Variants in LRP1B observed in about 807,000 individuals in gnomAD.
LRP1B encodes LDL receptor related protein 1B.
Under a neutral mutation model 556.6 loss-of-function variants are expected in LRP1B, and 217 were observed. That is an observed-to-expected ratio of 0.39 (90% CI 0.35 to 0.44). LRP1B has a LOEUF of 0.44. Among genes scored for constraint, LRP1B ranks in the 20% least tolerant of loss-of-function variants. LRP1B has a pLI of 1.00. For synonymous variants in LRP1B, 2,047 were observed against 1,865.8 expected, an observed-to-expected ratio of 1.10 and a Z score of -2.50; for missense variants, 5,053 against 5,620.8, an observed-to-expected ratio of 0.90 and a Z score of 3.23.
At chr2:140,322,169 A>ATGATTAATTAGCAATGTTGAAAAG (rs1344363091) in intron 81 of LRP1B, 81 bp from the exon 82 acceptor site, 4 of 1,306,998 alleles carry the variant, frequency 3.1e-6, no homozygotes, top group South Asian at 1.3e-5. Flanking sequence ...ATAAGGCGAA[A>ATGATTAATTAGCAATGTTGAAAAG]TGATTAATTA....
chr2:141,073,382 G>T (rs1699698041), intron 7 of LRP1B, among the ~76,000 whole-genome samples: 1 of 151,724 alleles, frequency 6.6e-6, no homozygotes, highest in Non-Finnish European at 1.5e-5. Flanking sequence ...CACTCTCTTG[G>T]TTTTCTTCCT....
intron 86 of LRP1B, among the ~76,000 whole-genome samples, chr2:140,255,533 A>G (rs1261732726): frequency 2.0e-5 from 3 of 152,280 alleles, no homozygotes; most frequent in Non-Finnish European, 2.9e-5. Context: ...ATGCTAGACT[A>G]TGATTTAACT....
At position 140,622,720 on chromosome 2, in the gene LRP1B, G is replaced by A. The variant is rs752676747; in HGVS notation, c.6800-21081C>T. ...AAAGAATCTAAAGAGACAATAACGA[G>A]GGGTAATACAAAAAAGAATGAATGG... On this transcript the variant is annotated intron_variant, in intron 41 of 90. Coordinates refer to ENST00000389484, the MANE Select transcript of LRP1B (RefSeq NM_018557.3). 1.2e-4 allele frequency among the ~76,000 whole-genome samples: 19 copies of A among 152,088 alleles called. 1 individual carries two copies. Among genetic ancestry groups the A allele is most frequent in the Non-Finnish European group, 2.4e-4 (16 of 68,026 alleles).
chr2:140,969,945 C>T (rs567136079), intron 18 of LRP1B, among the ~76,000 whole-genome samples: 18 of 152,072 alleles, frequency 1.2e-4, no homozygotes, highest in Non-Finnish European at 1.6e-4. Context: ...TCTCTCTGGC[C>T]GCCCTTAACA....
intron 31 of LRP1B, among the ~76,000 whole-genome samples, chr2:140,836,247 G>C (rs970749162): frequency 1.7e-4 from 26 of 152,028 alleles, no homozygotes; most frequent in African/African-American, 6.0e-4. Context: ...AACCACAAAA[G>C]TTATATACTA....
intron 71 of LRP1B, among the ~76,000 whole-genome samples, chr2:140,367,634 A>ATAGCATATG (rs1682821240): frequency 1.3e-5 from 2 of 151,982 alleles, no homozygotes; most frequent in African/African-American, 4.8e-5. Flanking sequence ...AATAAAAAAG[A>ATAGCATATG]TAGCATATGC....
chr2:141,755,418 T>G (rs911174285), intron 2 of LRP1B, among the ~76,000 whole-genome samples: 5 of 152,002 alleles, frequency 3.3e-5, no homozygotes, highest in Admixed American at 6.6e-5. Flanking sequence ...AAAATTAGCT[T>G]AAACTAATAA....
At chr2:140,997,865 A>C (rs975355913) in intron 15 of LRP1B, among the ~76,000 whole-genome samples, 3 of 151,752 alleles carry the variant, frequency 2.0e-5, no homozygotes, top group African/African-American at 7.3e-5. Context: ...ATAGGTTTTG[A>C]TTTTTCTCCT....
chr2:140,589,938 A>G (rs1003815051), intron 43 of LRP1B, among the ~76,000 whole-genome samples: 10 of 152,178 alleles, frequency 6.6e-5, no homozygotes, highest in Admixed American at 3.3e-4. Context: ...TCTTGACCAC[A>G]TAAGTGTCTA....
chr2:140,265,756 A>G (rs1275937530), intron 86 of LRP1B, among the ~76,000 whole-genome samples: 4 of 152,070 alleles, frequency 2.6e-5, no homozygotes, highest in African/African-American at 2.4e-5. Context: ...ACCACTGCCA[A>G]TTGAGATCCG....
intron 25 of LRP1B, among the ~76,000 whole-genome samples, chr2:140,879,914 A>T (rs1455653866): frequency 6.6e-6 from 1 of 151,666 alleles, no homozygotes; most frequent in Non-Finnish European, 1.5e-5. Flanking sequence ...CACCTATCAG[A>T]TCAAGCAGCA....
At chr2:142,085,915 A>G (rs1051538496) in intron 1 of LRP1B, among the ~76,000 whole-genome samples, 5 of 152,188 alleles carry the variant, frequency 3.3e-5, no homozygotes. Flanking sequence ...CTGGGCATAT[A>G]TATCTAAAGC....
At chr2:141,242,430 T>C (rs1683911876) in intron 5 of LRP1B, among the ~76,000 whole-genome samples, 1 of 152,166 alleles carries the variant, frequency 6.6e-6, no homozygotes, top group Non-Finnish European at 1.5e-5. Flanking sequence ...CAGCAAATGA[T>C]ATGAAAACGT....
intron 41 of LRP1B, among the ~76,000 whole-genome samples, chr2:140,641,973 T>C (rs1333940793): frequency 6.6e-6 from 1 of 152,120 alleles, no homozygotes; most frequent in Non-Finnish European, 1.5e-5. Context: ...AACAATAGAA[T>C]TGGAAGAAAA....
intron 6 of LRP1B, among the ~76,000 whole-genome samples, chr2:141,221,288 T>TAAAAAAAAAAAAAAAAAAAAAAAA (rs3063857): frequency 7.6e-6 from 1 of 131,180 alleles, no homozygotes; most frequent in African/African-American, 2.9e-5. Context: ...CCAACAAAGA[T>TAAAAAAAAAAAAAAAAAAAAAAAA]AAAAAAAAAA....
At chr2:141,655,528 A>G (rs1689972807) in intron 2 of LRP1B, among the ~76,000 whole-genome samples, 1 of 152,192 alleles carries the variant, frequency 6.6e-6, no homozygotes, top group Non-Finnish European at 1.5e-5. Context: ...ATAAGAAAAT[A>G]AAGATACATG....
intron 1 of LRP1B, among the ~76,000 whole-genome samples, chr2:142,089,680 G>T (rs932452947): frequency 5.3e-5 from 8 of 152,136 alleles, no homozygotes; most frequent in African/African-American, 1.9e-4. Flanking sequence ...TGCAATAGCA[G>T]GAGATTAGTT....
rs148506935 is a variant in LRP1B, at chr2:141,937,491, A to G, written c.83-127090T>C. On this transcript the variant is annotated intron_variant, in intron 1 of 90. Transcript: ENST00000389484. Reference sequence around the variant, plus strand: ...AGAAACACTTCAAATGTATGGATTGAGACTATATATATATTATGTAAATTC... The same window carrying G: ...AGAAACACTTCAAATGTATGGATTGGGACTATATATATATTATGTAAATTC... Among the ~76,000 whole-genome samples, 87 of 152,014 alleles carry G rather than the reference A, an allele frequency of 5.7e-4. 1 individual carries two copies. Among genetic ancestry groups the G allele is most frequent in the African/African-American group, 2.0e-3 (85 of 41,546 alleles).
chr2:140,444,570 G>C lies in LRP1B; in HGVS notation c.10167C>G (p.Leu3389=), dbSNP rs2105304834. 1 of 1,613,386 alleles carries C rather than the reference G, an allele frequency of 6.2e-7. No homozygotes were observed. The highest frequency in any genetic ancestry group is 2.2e-5 in the East Asian group (1 of 44,834). ...AGGAATTTAATCACCTACCACAGTT[G>C]AGTTCATCAGAATTGTCTCCACAAT... ...ENDCGDNSDE[L]NCDTHVCLSG... The change falls in exon 64 of 91, where the codon CTC becomes CTG. Residue 3389 remains leucine, a synonymous_variant. Coordinates refer to ENST00000389484, the MANE Select transcript of LRP1B (RefSeq NM_018557.3).
Sources: allele counts gnomAD v4.1 joint callset (sites outside exome capture counted in the v4.1 genomes callset), GRCh38; gene constraint gnomAD v4.1.1; transcripts MANE v1.5; gene names NCBI Gene and HGNC (gene_info 2026-07-23, HGNC 2026-07-21).